CALCR: variants seen among roughly 807,000 people sequenced by gnomAD.
CALCR encodes calcitonin receptor.
A neutral mutation model predicts 59.5 loss-of-function variants in CALCR; 47 were observed. The observed-to-expected ratio is 0.79, with a 90% CI of 0.63 to 1.01. CALCR has a LOEUF of 1.01. Among genes scored for constraint, CALCR ranks in the 50% least tolerant of loss-of-function variants. The pLI, the probability that CALCR is intolerant of heterozygous loss-of-function variation, is 0.00. For missense variants in CALCR, 566 were observed against 597.1 expected (o/e 0.95, Z 0.54); for synonymous variants, 213 against 211.3 (o/e 1.01, Z -0.07).
At chr7:93,521,731 A>G (rs975008293) in intron 2 of CALCR, among the ~76,000 whole-genome samples, 3 of 152,194 alleles carry the variant, frequency 2.0e-5, no homozygotes, top group African/African-American at 4.8e-5. Flanking sequence ...GAAGATGCAT[A>G]GATATTGCCA....
chr7:93,570,804 T>G (rs1449953921), intron 2 of CALCR, among the ~76,000 whole-genome samples: 1 of 152,160 alleles, frequency 6.6e-6, no homozygotes, highest in African/African-American at 2.4e-5. Flanking sequence ...TATCCTGTGA[T>G]CCACTCTTTC....
chr7:93,431,280 C>G (rs1253516588), intron 13 of CALCR, among the ~76,000 whole-genome samples: 1 of 152,140 alleles, frequency 6.6e-6, no homozygotes, highest in East Asian at 1.9e-4. Context: ...CTTTTTGTTT[C>G]GAGAGCACAG....
intron 2 of CALCR, among the ~76,000 whole-genome samples, chr7:93,511,096 T>TCC (rs1207359282): frequency 1.5e-5 from 2 of 136,154 alleles, no homozygotes; most frequent in Non-Finnish European, 3.3e-5. Context: ...TCTCTCTCTC[T>TCC]ACATATATAT....
intron 2 of CALCR, among the ~76,000 whole-genome samples, chr7:93,491,717 G>C (rs1801081937): frequency 6.6e-6 from 1 of 152,072 alleles, no homozygotes; most frequent in Middle Eastern, 3.4e-3. Flanking sequence ...TGTCACACCG[G>C]TCAGAATGGT....
intron 2 of CALCR, among the ~76,000 whole-genome samples, chr7:93,492,453 C>T (rs1801103623): frequency 6.6e-6 from 1 of 151,292 alleles, no homozygotes; most frequent in Non-Finnish European, 1.5e-5. Flanking sequence ...AAATTCTATT[C>T]AGTTTACCTA....
rs907944431 is a variant in CALCR at position 93,464,601 on chromosome 7, A to C, written c.522-3654T>G. Among the ~76,000 whole-genome samples the C allele has an allele frequency of 2.0e-5, 3 of 152,022 alleles. No homozygotes were observed. In the East Asian group the frequency reaches 5.8e-4, roughly 29 times the overall value. On this transcript the variant is annotated intron_variant, in intron 7 of 13. Transcript: ENST00000426151. ...TCTTCCCTATTTGACAAGAGACTTT[A>C]TGCCTTTTGATTTAGCACAAAATCC...
chr7:93,464,394 A>C (rs1800399789), intron 7 of CALCR, among the ~76,000 whole-genome samples: 1 of 152,004 alleles, frequency 6.6e-6, no homozygotes, highest in Non-Finnish European at 1.5e-5. Flanking sequence ...AATATGAATT[A>C]GGAATCATTT....
intron 13 of CALCR, among the ~76,000 whole-genome samples, chr7:93,429,926 GTTTGTTTGTTT>G (rs1256262969): frequency 0.17 from 17,636 of 101,594 alleles, 1,700 homozygotes; most frequent in East Asian, 0.47. Context: ...TTTTTTTTTT[GTTTGTTTGTTT>G]TTTTGTTTTT....
At chr7:93,434,122 T>A in intron 13 of CALCR, 131 bp downstream of exon 13, 1 of 710,224 alleles carries the variant, frequency 1.4e-6, no homozygotes, top group Non-Finnish European at 2.5e-6. Flanking sequence ...AAAAACATCA[T>A]GTTGCTAATC....
At chr7:93,433,606 T>C (rs537096491) in intron 13 of CALCR, among the ~76,000 whole-genome samples, 1 of 152,290 alleles carries the variant, frequency 6.6e-6, no homozygotes, top group East Asian at 1.9e-4. Flanking sequence ...CCCTGGAAGT[T>C]CTTTGGAAGG....
chr7:93,561,548 T>A (rs1192714699), intron 2 of CALCR, among the ~76,000 whole-genome samples: 1 of 152,050 alleles, frequency 6.6e-6, no homozygotes, highest in East Asian at 1.9e-4. Flanking sequence ...TAAAAGAGTT[T>A]AAAAAAATAC....
chr7:93,571,920 C>T (rs1185078927), intron 2 of CALCR, among the ~76,000 whole-genome samples: 1 of 152,116 alleles, frequency 6.6e-6, no homozygotes, highest in African/African-American at 2.4e-5. Flanking sequence ...TTTCCTCTTT[C>T]TCCTCTTTCA....
At chr7:93,477,436 A>C in intron 5 of CALCR, 122 bp downstream of exon 5, 1 of 601,274 alleles carries the variant, frequency 1.7e-6, no homozygotes, top group Non-Finnish European at 3.0e-6. Context: ...GAAACACTTC[A>C]GAAGTTGCTA....
chr7:93,496,158 G>A (rs1801198038), intron 2 of CALCR, among the ~76,000 whole-genome samples: 1 of 151,350 alleles, frequency 6.6e-6, no homozygotes, highest in African/African-American at 2.4e-5. Flanking sequence ...ATTTCCAAAA[G>A]CATGTTCCAT....
intron 8 of CALCR, among the ~76,000 whole-genome samples, chr7:93,448,244 G>A (rs1172651107): frequency 1.3e-5 from 2 of 151,966 alleles, no homozygotes; most frequent in East Asian, 3.9e-4. Context: ...TAAAACTGGG[G>A]TATTAGATTC....
At chr7:93,529,359 C>T (rs1233901228) in intron 2 of CALCR, among the ~76,000 whole-genome samples, 1 of 152,178 alleles carries the variant, frequency 6.6e-6, no homozygotes, top group Non-Finnish European at 1.5e-5. Context: ...TGCTTGGAAA[C>T]TTCCTGAGGC....
chr7:93,443,504 G>A (rs989384628), intron 9 of CALCR, 100 bp downstream of exon 9: 2 of 1,135,748 alleles, frequency 1.8e-6, no homozygotes, highest in African/African-American at 3.1e-5. Flanking sequence ...TGAAGGACCT[G>A]GGACTTGACT....
intron 9 of CALCR, among the ~76,000 whole-genome samples, 170 bp downstream of exon 9, chr7:93,443,434 G>A (rs1799950020): frequency 1.3e-5 from 2 of 152,022 alleles, no homozygotes; most frequent in Admixed American, 6.6e-5. Context: ...GATTGTTAAA[G>A]GGCTTCCACA....
rs535082592 is a variant in CALCR, at chr7:93,426,190, C to T, written c.*166G>A. The stretch of plus-strand genomic sequence containing the variant: ...ATTCCTAGACTGTCTCCCAAAGCAA[C>T]AGTACCAAGAATAACTTTCTTCAGA... On this transcript the variant is annotated 3_prime_UTR_variant, in exon 14 of 14. Coordinates refer to ENST00000426151, the MANE Select transcript of CALCR (RefSeq NM_001742.4). The T allele has an allele frequency of 1.0e-5, 6 of 571,838 alleles. No individual in the cohort carries two copies. Among genetic ancestry groups the T allele is most frequent in the East Asian group, 5.8e-5 (2 of 34,530 alleles). 35.4% of individuals were successfully genotyped at this position (571,838 alleles called of 1,614,324 possible). A position where few individuals can be genotyped will look rare whatever the true frequency, so the allele number is the denominator to read the frequency against.
Sources: allele counts gnomAD v4.1 joint callset (sites outside exome capture counted in the v4.1 genomes callset), GRCh38; gene constraint gnomAD v4.1.1; transcripts MANE v1.5; gene names NCBI Gene and HGNC (gene_info 2026-07-23, HGNC 2026-07-21).